ITGA9: variants seen among roughly 807,000 people sequenced by gnomAD.
The protein encoded by ITGA9 is integrin alpha-9.
Under a neutral mutation model 127.8 loss-of-function variants are expected in ITGA9, and 56 were observed. That is an observed-to-expected ratio of 0.44 (90% CI 0.35 to 0.55). ITGA9 has a LOEUF of 0.55. Among genes scored for constraint, ITGA9 ranks in the 20% least tolerant of loss-of-function variants. The pLI is 0.00. For missense variants in ITGA9, 1,196 were observed against 1,347.1 expected (o/e 0.89, Z 1.76); for synonymous variants, 508 against 514.5 (o/e 0.99, Z 0.17).
chr3:37,688,549 A>G (rs1286771990), intron 18 of ITGA9, among the ~76,000 whole-genome samples: 1 of 152,218 alleles, frequency 6.6e-6, no homozygotes, highest in Non-Finnish European at 1.5e-5. Context: ...GAAGGAGTTC[A>G]GACTCCTCAG....
At chr3:37,516,445 A>G (rs913531163) in intron 9 of ITGA9, among the ~76,000 whole-genome samples, 1 of 152,008 alleles carries the variant, frequency 6.6e-6, no homozygotes, top group African/African-American at 2.4e-5. Context: ...GCATCATAAG[A>G]TCTTCCTTAT....
chr3:37,626,005 T>C (rs988009919), intron 15 of ITGA9, among the ~76,000 whole-genome samples: 1 of 152,154 alleles, frequency 6.6e-6, no homozygotes, highest in Non-Finnish European at 1.5e-5. Context: ...CACCCCTACA[T>C]GTCCAAATGC....
chr3:37,723,343 T>C (rs1240432166), intron 18 of ITGA9, among the ~76,000 whole-genome samples: 5 of 151,982 alleles, frequency 3.3e-5, no homozygotes, highest in Non-Finnish European at 5.9e-5. Context: ...TTTGCTACTT[T>C]TGTAATTATT....
chr3:37,748,349 T>C (rs945870210), intron 22 of ITGA9: 3 of 603,488 alleles, frequency 5.0e-6, no homozygotes, highest in African/African-American at 3.7e-5. Flanking sequence ...AACACACAAG[T>C]TAAGGGCAAG....
Position 37,629,658 on chromosome 3 carries a change from A to C in ITGA9, c.1839+322A>C, listed in dbSNP as rs2125635616. On this transcript the variant is annotated intron_variant, in intron 16 of 27. Coordinates refer to ENST00000264741, the MANE Select transcript of ITGA9 (RefSeq NM_002207.3). The surrounding 1 kb of genome is among the most constrained non-coding windows in gnomAD (Gnocchi z 4.5). ...TTCCTAGACTGTTTTCAGAGCTTAG[A>C]TTGGTGGATAGTAGGTGCTTAATGA... The C allele has an allele frequency of 1.7e-6, 1 of 584,276 alleles. No homozygotes were observed. Among genetic ancestry groups the C allele is most frequent in the East Asian group, 2.8e-5 (1 of 35,182 alleles). 36.2% of individuals were successfully genotyped at this position (584,276 alleles called of 1,614,324 possible).
chr3:37,512,619 T>G (rs1238305951), intron 8 of ITGA9, among the ~76,000 whole-genome samples: 1 of 152,246 alleles, frequency 6.6e-6, no homozygotes, highest in East Asian at 1.9e-4. Flanking sequence ...GTTTATTGTT[T>G]TTACACACGA....
chr3:37,618,982 C>G (rs570592622), intron 15 of ITGA9, among the ~76,000 whole-genome samples: 13 of 152,196 alleles, frequency 8.5e-5, no homozygotes, highest in Admixed American at 2.6e-4. Context: ...CACCCACTGT[C>G]TGACACTCCC....
intron 15 of ITGA9, among the ~76,000 whole-genome samples, chr3:37,613,949 G>T (rs13319122): frequency 0.064 from 9,709 of 152,252 alleles, 975 homozygotes; most frequent in African/African-American, 0.22. Flanking sequence ...CTTTTGCTGT[G>T]CAGAAGCTCT....
At chr3:37,630,204 C>T (rs763599135) in intron 16 of ITGA9, among the ~76,000 whole-genome samples, 2 of 152,150 alleles carry the variant, frequency 1.3e-5, no homozygotes, top group Non-Finnish European at 2.9e-5. Flanking sequence ...GTAGACTGAA[C>T]CACAGAGAAG....
chr3:37,466,702 G>A (rs1698376860), intron 1 of ITGA9, among the ~76,000 whole-genome samples: 1 of 152,052 alleles, frequency 6.6e-6, no homozygotes, highest in Non-Finnish European at 1.5e-5. Flanking sequence ...TGATTTAATG[G>A]GCTGGGGCCT....
intron 15 of ITGA9, among the ~76,000 whole-genome samples, chr3:37,594,519 C>A (rs928509804): frequency 6.6e-6 from 1 of 151,670 alleles, no homozygotes; most frequent in Non-Finnish European, 1.5e-5. Context: ...TTTTTAACTT[C>A]CAAATAAAGC....
chr3:37,787,287 G>GA (rs4020512), intron 26 of ITGA9, among the ~76,000 whole-genome samples: 511 of 149,506 alleles, frequency 3.4e-3, no homozygotes, highest in Non-Finnish European at 5.1e-3. Flanking sequence ...TTGTGTAGAT[G>GA]AAAAAAAAAA....
intron 11 of ITGA9, among the ~76,000 whole-genome samples, chr3:37,522,475 C>T (rs553596983): frequency 6.6e-6 from 1 of 152,262 alleles, no homozygotes; most frequent in South Asian, 2.1e-4. Context: ...GCTGTAATCC[C>T]AGTTCCTTGG....
chr3:37,757,670 A>G (rs1000904901), intron 23 of ITGA9, among the ~76,000 whole-genome samples: 4 of 151,778 alleles, frequency 2.6e-5, no homozygotes, highest in Admixed American at 2.6e-4. Flanking sequence ...AAACAAAAAA[A>G]TCTTTTCAAT....
At chr3:37,540,136 C>T (rs1458249542) in intron 14 of ITGA9, among the ~76,000 whole-genome samples, 1 of 152,196 alleles carries the variant, frequency 6.6e-6, no homozygotes, top group African/African-American at 2.4e-5. Context: ...TCTCTGAGCT[C>T]AGCTAGTTCA....
intron 9 of ITGA9, among the ~76,000 whole-genome samples, chr3:37,516,549 A>G (rs77167872): frequency 0.044 from 6,689 of 152,296 alleles, 405 homozygotes; most frequent in South Asian, 0.2. Context: ...CTTCCCCACT[A>G]CACTGAAAGA....
chr3:37,455,005 G>C (rs1262477665), intron 1 of ITGA9, among the ~76,000 whole-genome samples: 2 of 152,114 alleles, frequency 1.3e-5, no homozygotes, highest in Admixed American at 1.3e-4. Flanking sequence ...ATTCTTGCTT[G>C]CATAGGCCCC....
At chr3:37,727,178 A>C (rs942508852) in intron 18 of ITGA9, among the ~76,000 whole-genome samples, 6 of 152,204 alleles carry the variant, frequency 3.9e-5, no homozygotes, top group African/African-American at 7.2e-5. Context: ...AGAGTATTGT[A>C]CAGCTTTCTA....
At chr3:37,663,925 AG>A (rs1475708330) in intron 17 of ITGA9, among the ~76,000 whole-genome samples, 1 of 152,244 alleles carries the variant, frequency 6.6e-6, no homozygotes, top group Non-Finnish European at 1.5e-5. Context: ...TGCTTCTAAA[AG>A]TGCTTAGCAT....
Sources: gnomAD v4.1 joint callset for allele counts (sites outside exome capture counted in the v4.1 genomes callset) on GRCh38, gnomAD v4.1.1 for gene constraint, Gnocchi (gnomAD v3.1) non-coding constraint, MANE v1.5 for transcripts, NCBI Gene and HGNC (gene_info 2026-07-23, HGNC 2026-07-21) for gene names.